Variants in ZNF385D observed in about 807,000 individuals in gnomAD.
ZNF385D encodes zinc finger protein 659.
A neutral mutation model predicts 35.8 loss-of-function variants in ZNF385D; 15 were observed. The ratio of observed to expected loss-of-function variants is 0.42; its 90% CI spans 0.28 to 0.64. The LOEUF is 0.64. Among genes scored for constraint, ZNF385D ranks in the 30% least tolerant of loss-of-function variants. ZNF385D has a pLI of 0.23. For missense variants in ZNF385D, 474 were observed against 494.6 expected, an observed-to-expected ratio of 0.96 and a Z score of 0.39; for synonymous variants, 212 against 186.8, an observed-to-expected ratio of 1.13 and a Z score of -1.10.
intron 3 of ZNF385D, among the ~76,000 whole-genome samples, chr3:22,149,707 A>C (rs1398640245): frequency 6.6e-6 from 1 of 152,132 alleles, no homozygotes; most frequent in African/African-American, 2.4e-5. Flanking sequence ...AGTTAATCCT[A>C]GAAGTTCTGT....
intron 3 of ZNF385D, among the ~76,000 whole-genome samples, chr3:22,138,319 T>G (rs1704280951): frequency 6.6e-6 from 1 of 152,212 alleles, no homozygotes; most frequent in African/African-American, 2.4e-5. Context: ...AAAACTACTT[T>G]ACAGTTCATA....
rs539388054 is a variant in ZNF385D, at chr3:21,588,766, G to T, written c.166-24082C>A. Among the ~76,000 whole-genome samples the T allele has an allele frequency of 2.6e-4, 39 of 152,230 alleles. 1 individual carries two copies. Among genetic ancestry groups the T allele is most frequent in the South Asian group, 1.2e-3 (6 of 4,824 alleles). ...AACCACCCTTAAAGAATGAGAACAT[G>T]TAGAGGCCATGACCTACTAGACATC... On this transcript the variant is annotated intron_variant, in intron 2 of 7. Coordinates refer to ENST00000281523, the MANE Select transcript of ZNF385D (RefSeq NM_024697.3).
chr3:21,804,099 G>A (rs2072527869), intron 3 of ZNF385D, among the ~76,000 whole-genome samples: 2 of 152,120 alleles, frequency 1.3e-5, no homozygotes, highest in Admixed American at 1.3e-4. Flanking sequence ...AATCAGTGCT[G>A]CCACAAGGAA....
chr3:21,738,045 T>G (rs191477138), intron 1 of ZNF385D, among the ~76,000 whole-genome samples: 5 of 152,230 alleles, frequency 3.3e-5, no homozygotes, highest in African/African-American at 4.8e-5. Flanking sequence ...TCCAGCCCTG[T>G]GCAGACTTCC....
intron 3 of ZNF385D, among the ~76,000 whole-genome samples, chr3:22,017,773 A>G (rs1368880409): frequency 6.6e-6 from 1 of 151,950 alleles, no homozygotes; most frequent in African/African-American, 2.4e-5. Flanking sequence ...ATTCTAGCAC[A>G]CCTTGTTTCT....
At chr3:22,199,508 G>A (rs1576483890) in intron 2 of ZNF385D, among the ~76,000 whole-genome samples, 1 of 152,042 alleles carries the variant, frequency 6.6e-6, no homozygotes. Context: ...ATAGAGTCAG[G>A]AAATTTGGCT....
At chr3:21,457,077 T>C (rs1287666942) in intron 4 of ZNF385D, among the ~76,000 whole-genome samples, 1 of 152,166 alleles carries the variant, frequency 6.6e-6, no homozygotes, top group Non-Finnish European at 1.5e-5. Flanking sequence ...TTGTTCTCTA[T>C]TGATCCTTAG....
intron 2 of ZNF385D, among the ~76,000 whole-genome samples, chr3:22,260,624 C>T (rs933144927): frequency 6.6e-6 from 1 of 151,920 alleles, no homozygotes; most frequent in African/African-American, 2.4e-5. Flanking sequence ...AGAATTTCTA[C>T]TTAATACTGT....
chr3:22,251,868 G>A (rs1700080410), intron 2 of ZNF385D, among the ~76,000 whole-genome samples: 2 of 152,162 alleles, frequency 1.3e-5, no homozygotes, highest in Non-Finnish European at 1.5e-5. Context: ...AACTCACACA[G>A]CCTTTGAAAG....
At chr3:21,580,795 GTCTA>G (rs2063633779) in intron 2 of ZNF385D, among the ~76,000 whole-genome samples, 1 of 136,402 alleles carries the variant, frequency 7.3e-6, no homozygotes, top group Non-Finnish European at 1.7e-5. Flanking sequence ...GTATGTTTGT[GTCTA>G]TGTGTGTGTA....
At chr3:22,281,015 G>C (rs982162039) in intron 2 of ZNF385D, among the ~76,000 whole-genome samples, 2 of 151,900 alleles carry the variant, frequency 1.3e-5, no homozygotes, top group African/African-American at 4.8e-5. Context: ...AAGGGTTCTT[G>C]AGTTCTTGAT....
At chr3:21,515,814 G>A (rs1354875465) in intron 3 of ZNF385D, among the ~76,000 whole-genome samples, 1 of 152,202 alleles carries the variant, frequency 6.6e-6, no homozygotes, top group African/African-American at 2.4e-5. Flanking sequence ...TAGGATTATG[G>A]AAGGGACCCT....
intron 1 of ZNF385D, among the ~76,000 whole-genome samples, chr3:21,747,654 G>T (rs532682401): frequency 6.6e-6 from 1 of 152,324 alleles, no homozygotes; most frequent in South Asian, 2.1e-4. Flanking sequence ...ACAGTGCACA[G>T]TTACAACCTT....
chr3:22,211,806 T>C (rs1351899428), intron 2 of ZNF385D, among the ~76,000 whole-genome samples: 1 of 151,958 alleles, frequency 6.6e-6, no homozygotes, highest in Non-Finnish European at 1.5e-5. Context: ...GAATTTCTTG[T>C]ACTGCAGTGT....
intron 3 of ZNF385D, among the ~76,000 whole-genome samples, chr3:21,840,472 T>C (rs953583169): frequency 1.3e-5 from 2 of 152,084 alleles, no homozygotes; most frequent in South Asian, 2.1e-4. Flanking sequence ...TTTTGTCTAG[T>C]TGAATAGTGC....
chr3:21,960,787 C>A (rs192841089), intron 3 of ZNF385D, among the ~76,000 whole-genome samples: 2 of 152,218 alleles, frequency 1.3e-5, no homozygotes, highest in Admixed American at 6.5e-5. Context: ...TCATTCACAG[C>A]ATCCTGAAGG....
chr3:22,209,115 A>G (rs1026461316), intron 2 of ZNF385D, among the ~76,000 whole-genome samples: 1 of 151,918 alleles, frequency 6.6e-6, no homozygotes, highest in African/African-American at 2.4e-5. Flanking sequence ...CGATTCATTC[A>G]GTAAGCCCAT....
intron 3 of ZNF385D, among the ~76,000 whole-genome samples, chr3:22,048,267 A>C (rs1437086677): frequency 6.6e-6 from 1 of 151,678 alleles, no homozygotes; most frequent in Non-Finnish European, 1.5e-5. Flanking sequence ...TTGCTTTTGG[A>C]AAAAAAGCCT....
chr3:22,058,861 G>A (rs914787018), intron 3 of ZNF385D, among the ~76,000 whole-genome samples: 1 of 152,136 alleles, frequency 6.6e-6, no homozygotes, highest in African/African-American at 2.4e-5. Flanking sequence ...GGTGGTTAGT[G>A]GGGACCACTA....
Sources: allele counts gnomAD v4.1 joint callset (sites outside exome capture counted in the v4.1 genomes callset), GRCh38; gene constraint gnomAD v4.1.1; transcripts MANE v1.5; gene names NCBI Gene and HGNC (gene_info 2026-07-23, HGNC 2026-07-21).